Variants in MTARC2 observed in about 807,000 individuals in gnomAD.
MTARC2 encodes MOCO sulphurase C-terminal domain containing 2.
Under a neutral mutation model 35.6 loss-of-function variants are expected in MTARC2, and 27 were observed. That is an observed-to-expected ratio of 0.76 (90% confidence interval 0.56 to 1.04). The LOEUF (loss-of-function observed/expected upper bound fraction) is 1.04, where lower values mean the gene tolerates loss of function less well. Ranked by LOEUF, MTARC2 falls within the 50% of genes least tolerant of loss-of-function variation. The pLI is 0.00. For synonymous variants in MTARC2, 158 were observed against 167.1 expected (o/e 0.95, Z 0.42); for missense variants, 412 against 432.5 (o/e 0.95, Z 0.42).
At chr1:220,778,104 A>G (rs938627027) in intron 4 of MTARC2, among the ~76,000 whole-genome samples, 1 of 152,040 alleles carries the variant, frequency 6.6e-6, no homozygotes. Flanking sequence ...TTAACCGGGC[A>G]TGGTGGCACT....
intron 4 of MTARC2, among the ~76,000 whole-genome samples, 169 bp downstream of exon 4, chr1:220,763,219 T>A (rs1671489247): frequency 6.6e-6 from 1 of 152,002 alleles, no homozygotes; most frequent in Non-Finnish European, 1.5e-5. Flanking sequence ...GTTGCTGCCA[T>A]CAACACGCTG....
rs371824557 is a variant in MTARC2, at chr1:220,764,036, A to G, written c.750+986A>G. ...GAAGAGGCTCTTAAACACCCTCTCA[A>G]TTCTTTGCTCCCCTGAATGAATGAC... is the stretch of plus-strand genomic sequence containing the variant. On this transcript the variant is annotated intron_variant, in intron 4 of 7. Transcript: ENST00000366913. Among the ~76,000 whole-genome samples, 17 of 152,254 alleles carry G rather than the reference A, an allele frequency of 1.1e-4. No homozygotes were observed. The South Asian group carries it at 3.5e-3, about 32-fold the overall frequency.
intron 4 of MTARC2, among the ~76,000 whole-genome samples, chr1:220,776,567 T>C (rs1011690167): frequency 2.0e-5 from 3 of 152,096 alleles, no homozygotes; most frequent in Non-Finnish European, 4.4e-5. Context: ...ATATATATGA[T>C]TATAGGTGGT....
intron 6 of MTARC2, among the ~76,000 whole-genome samples, chr1:220,780,548 G>T (rs1050344179): frequency 2.6e-5 from 4 of 151,226 alleles, no homozygotes; most frequent in Admixed American, 2.0e-4. Context: ...CACTTTCTGG[G>T]TTCAAGTGAT....
At chr1:220,771,320 G>C (rs1291391263) in intron 4 of MTARC2, among the ~76,000 whole-genome samples, 4 of 92,142 alleles carry the variant, frequency 4.3e-5, no homozygotes, top group African/African-American at 1.2e-4. Flanking sequence ...AAAAAAAAAA[G>C]CCTTAGGCTT....
chr1:220,780,956 T>A (rs962401064), intron 6 of MTARC2, among the ~76,000 whole-genome samples: 1 of 142,604 alleles, frequency 7.0e-6, no homozygotes, highest in Non-Finnish European at 1.5e-5. Flanking sequence ...AAAAAATGAA[T>A]GTAATGAGTT....
intron 4 of MTARC2, 42 bp from the exon 5 acceptor site, chr1:220,779,976 A>T (rs1343179231): frequency 9.6e-6 from 14 of 1,455,962 alleles, no homozygotes; most frequent in South Asian, 2.8e-5. Flanking sequence ...TCAAAGGCTA[A>T]TGAAGCCACC....
intron 5 of MTARC2, 31 bp from the exon 6 acceptor site, chr1:220,780,137 C>T (rs1186153702): frequency 6.2e-7 from 1 of 1,609,096 alleles, no homozygotes; most frequent in Admixed American, 1.7e-5. Flanking sequence ...GGTTCCTAAG[C>T]ATCACCTAAC....
chr1:220,759,590 G>T (rs3820351), intron 2 of MTARC2, among the ~76,000 whole-genome samples: 1 of 152,118 alleles, frequency 6.6e-6, no homozygotes, highest in African/African-American at 2.4e-5. Flanking sequence ...GGTGGGTGGA[G>T]ACTGTGAGTA....
rs374330825 is a variant in MTARC2 at position 220,761,325 on chromosome 1, G to C, written c.447-333G>C. Among the ~76,000 whole-genome samples, 6 of 152,320 alleles carry C rather than the reference G, an allele frequency of 3.9e-5. No individual in the cohort carries two copies. The South Asian group carries it at 1.2e-3, about 32-fold the overall frequency. ...GCAGCCCCTCTCCTCTTGTGAAAGT[G>C]TCCTAAATCCTTACGTTCATGGACC... On this transcript the variant is annotated intron_variant, in intron 2 of 7. Coordinates refer to ENST00000366913, the MANE Select transcript of MTARC2 (RefSeq NM_017898.5).
rs376827992 is a variant in MTARC2, at chr1:220,763,029, C to T, written c.729C>T (p.Thr243=). 1.1e-5 allele frequency: 17 copies of T among 1,613,940 alleles called. No homozygotes were observed. The highest frequency in any genetic ancestry group is 6.7e-5 in the Admixed American group (4 of 59,988). The change falls in exon 4 of 8, where the codon ACC becomes ACT. Residue 243 remains threonine, a synonymous_variant. Transcript: ENST00000366913. ...MENFRPNIVV[T]GCDAFEEDTW... is the part of the protein sequence containing the mutation. ...ATTTCAGGCCAAATATTGTGGTGAC[C>T]GGCTGTGATGCTTTTGAGGAGGTAA...
At chr1:220,782,985 A>G (rs1256208830) in intron 7 of MTARC2, among the ~76,000 whole-genome samples, 1 of 152,252 alleles carries the variant, frequency 6.6e-6, no homozygotes, top group Admixed American at 6.5e-5. Context: ...TCATTCCATC[A>G]TGATCCAGTC....
At chr1:220,758,581 G>A (rs942061116) in intron 2 of MTARC2, among the ~76,000 whole-genome samples, 2 of 151,972 alleles carry the variant, frequency 1.3e-5, no homozygotes, top group East Asian at 1.9e-4. Flanking sequence ...CACCACACCC[G>A]GCTAATTTTT....
intron 4 of MTARC2, among the ~76,000 whole-genome samples, chr1:220,768,174 A>G (rs1300126792): frequency 6.6e-6 from 1 of 152,204 alleles, no homozygotes; most frequent in Non-Finnish European, 1.5e-5. Context: ...GTGGGTCACA[A>G]CCCATTATTG....
In MTARC2 at chr1:220,784,088, G is replaced by A. The variant is rs12026176; in HGVS notation, c.*201G>A. ...GTTAATGCAAGGAAAGTATTAGAGG[G>A]GGGAATATGAAAGTATATATATAAA... On this transcript the variant is annotated 3_prime_UTR_variant, in exon 8 of 8. Coordinates refer to ENST00000366913, the MANE Select transcript of MTARC2 (RefSeq NM_017898.5). 1.5e-5 allele frequency: 9 copies of A among 604,088 alleles called. No individual in the cohort carries two copies. The highest frequency in any genetic ancestry group is 2.8e-5 in the East Asian group (1 of 35,350). The allele number at this position is 604,088 out of a possible 1,614,324, so 37.4% of individuals were successfully genotyped here.
chr1:220,771,853 T>A (rs1328945187), intron 4 of MTARC2, among the ~76,000 whole-genome samples: 1 of 152,106 alleles, frequency 6.6e-6, no homozygotes, highest in Non-Finnish European at 1.5e-5. Flanking sequence ...CAAACCACCA[T>A]GGCACAGGTA....
chr1:220,760,029 G>C (rs546611042), intron 2 of MTARC2, among the ~76,000 whole-genome samples: 2 of 152,208 alleles, frequency 1.3e-5, no homozygotes, highest in East Asian at 3.9e-4. Flanking sequence ...CACGGGGAGG[G>C]GCAAGCCCTT....
At chr1:220,778,075 A>T (rs10746404) in intron 4 of MTARC2, among the ~76,000 whole-genome samples, 151,314 of 152,066 alleles carry the variant, frequency 1, 75,291 homozygotes, top group Middle Eastern at 1. Flanking sequence ...AAACCCCATC[A>T]GTACTAAAAA....
At position 220,781,841 on chromosome 1, in the gene MTARC2, T is replaced by G. The variant is rs1201225221; in HGVS notation, c.948T>G (p.Tyr316Ter). The change falls in exon 7 of 8, where the codon TAT becomes TAG. Residue 316 changes from tyrosine to a stop codon, truncating the protein, a stop_gained. Coordinates refer to ENST00000366913, the MANE Select transcript of MTARC2 (RefSeq NM_017898.5). LOFTEE classifies it high-confidence loss of function. ...LYKLSPLFGI[Y>*]YSVEKIGSLR... ...AGTTGTCTCCACTTTTTGGGATCTATTATTCAGTGGAAAAAATTGGAAGCC... is the reference window on the plus strand; with the variant it reads ...AGTTGTCTCCACTTTTTGGGATCTAGTATTCAGTGGAAAAAATTGGAAGCC... 1.2e-6 allele frequency: 2 copies of G among 1,614,186 alleles called. No homozygotes were observed. The highest frequency in any genetic ancestry group is 2.2e-5 in the South Asian group (2 of 91,088).
Sources: allele counts gnomAD v4.1 joint callset (sites outside exome capture counted in the v4.1 genomes callset), GRCh38; gene constraint gnomAD v4.1.1; transcripts MANE v1.5; gene names NCBI Gene and HGNC (gene_info 2026-07-23, HGNC 2026-07-21).